SH3TC1: variants seen among roughly 807,000 people sequenced by gnomAD.
SH3TC1 encodes SH3 domain and tetratricopeptide repeat-containing protein 1.
A neutral mutation model predicts 117.3 loss-of-function variants in SH3TC1; 135 were observed. That is an observed-to-expected ratio of 1.15 (90% confidence interval 1.00 to 1.33). SH3TC1 has a LOEUF of 1.33. Among genes scored for constraint, SH3TC1 ranks in the 40% most tolerant of loss-of-function variants. SH3TC1 has a pLI of 0.00. For missense variants in SH3TC1, 2,092 were observed against 1,794.3 expected (o/e 1.17, Z -3.00); for synonymous variants, 898 against 816.9 (o/e 1.10, Z -1.69).
rs761032051 is a variant in SH3TC1 at position 8,205,629 on chromosome 4, G to A, written c.172+263G>A. 4.2e-5 allele frequency: 32 copies of A among 767,430 alleles called. 1 individual carries two copies. Among genetic ancestry groups the A allele is most frequent in the East Asian group, 9.7e-5 (4 of 41,266 alleles). 47.5% of individuals were successfully genotyped at this position (767,430 alleles called of 1,614,324 possible). ...AGTGATAACAAAACTGGCAAAGAACGAGGCAGGGGCCTTTGAACCCCCATG... is the reference window on the plus strand; with the variant it reads ...AGTGATAACAAAACTGGCAAAGAACAAGGCAGGGGCCTTTGAACCCCCATG... On this transcript the variant is annotated intron_variant, in intron 2 of 17. Transcript: ENST00000245105. The surrounding 1 kb of genome is among the most constrained non-coding windows in gnomAD (Gnocchi z 5.4).
intron 14 of SH3TC1, 33 bp from the exon 15 acceptor site, chr4:8,235,400 G>A (rs773031394): frequency 2.1e-6 from 3 of 1,453,798 alleles, no homozygotes; most frequent in Non-Finnish European, 2.7e-6. Flanking sequence ...CTCACCAGGT[G>A]TGGGTCTTGA....
At chr4:8,231,854 G>T in intron 12 of SH3TC1, 122 bp from the exon 13 acceptor site, 2 of 1,200,062 alleles carry the variant, frequency 1.7e-6, no homozygotes, top group Non-Finnish European at 2.3e-6. Context: ...GCGGTTCCCC[G>T]CCTGTGGGGC....
At position 8,227,539 on chromosome 4, in the gene SH3TC1, GAACCGGGAGA is replaced by G. The variant is rs777610645; in HGVS notation, c.1847_1856del (p.Asn616SerfsTer70). 2 of 1,531,364 alleles carry G rather than the reference GAACCGGGAGA, an allele frequency of 1.3e-6. No individual in the cohort carries two copies. 94.9% of individuals were successfully genotyped at this position (1,531,364 alleles called of 1,614,324 possible). The stretch of plus-strand genomic sequence containing the variant: ...TGGCCAGCATTTACCGGAAGCAGAA[GAACCGGGAGA>G]AGTGTGCACAGGTGGTGCCCAAAGC... On this transcript the variant is annotated frameshift_variant, in exon 12 of 18. Transcript: ENST00000245105. LOFTEE classifies it high-confidence loss of function.
At chr4:8,221,931 GTAAGCTACTC>G (rs67301843) in intron 9 of SH3TC1, among the ~76,000 whole-genome samples, 13,977 of 152,164 alleles carry the variant, frequency 0.092, 870 homozygotes, top group South Asian at 0.15. Context: ...AGAATGTGCT[GTAAGCTACTC>G]TAAGTTTTTT....
intron 8 of SH3TC1, among the ~76,000 whole-genome samples, chr4:8,218,614 G>A (rs1429146355): frequency 1.3e-5 from 2 of 152,212 alleles, no homozygotes; most frequent in Non-Finnish European, 2.9e-5. Context: ...GCTCAGTGAA[G>A]CTGCACCAGG....
In SH3TC1 at chr4:8,183,588, T is replaced by C. The variant is rs1717142760; in HGVS notation, c.-57+1378T>C. Among the ~76,000 whole-genome samples the C allele has an allele frequency of 6.6e-6, 1 of 152,236 alleles. No homozygotes were observed. The highest frequency in any genetic ancestry group is 1.5e-5 in the Non-Finnish European group (1 of 68,042). On this transcript the variant is annotated intron_variant, in intron 1 of 16. Transcript: ENST00000508641. This position sits in a 1 kb window ranked among gnomAD's most constrained non-coding sequence, Gnocchi z 5.4. ...CAAACTTGTTCCACCCTACAGGGACTTTTTGTTTGTTTTTCTTTTAATAGA... is the reference window on the plus strand; with the variant it reads ...CAAACTTGTTCCACCCTACAGGGACCTTTTGTTTGTTTTTCTTTTAATAGA...
At chr4:8,207,238 C>T (rs1444848023) in intron 2 of SH3TC1, among the ~76,000 whole-genome samples, 10 of 152,298 alleles carry the variant, frequency 6.6e-5, no homozygotes, top group East Asian at 1.9e-4. Flanking sequence ...TATTTCTTCA[C>T]GATCACATTA....
intron 1 of SH3TC1, among the ~76,000 whole-genome samples, chr4:8,188,952 T>A (rs1717322627): frequency 6.6e-6 from 1 of 152,244 alleles, no homozygotes; most frequent in Admixed American, 6.5e-5. Context: ...CAGGCACACG[T>A]GGCTCGACAC....
chr4:8,229,763 A>T (rs1720967455), intron 12 of SH3TC1, among the ~76,000 whole-genome samples: 1 of 151,464 alleles, frequency 6.6e-6, no homozygotes, highest in African/African-American at 2.4e-5. Context: ...CTGCAAGGAG[A>T]CCCTCCAGAA....
upstream of SH3TC1, among the ~76,000 whole-genome samples, chr4:8,195,419 T>C (rs1717529569): frequency 6.6e-6 from 1 of 152,186 alleles, no homozygotes; most frequent in African/African-American, 2.4e-5. Flanking sequence ...CAGTTGGGCG[T>C]GCTTGGAAAG....
chr4:8,223,272 T>C (rs1191265024), intron 10 of SH3TC1, among the ~76,000 whole-genome samples: 1 of 152,118 alleles, frequency 6.6e-6, no homozygotes, highest in East Asian at 1.9e-4. Context: ...AGGGTATGGG[T>C]CTGGTTCTAA....
In SH3TC1 at chr4:8,240,772, G is replaced by A. The variant is rs1048506; in HGVS notation, c.3828G>A (p.Gln1276=). Residue 1276 remains glutamine (Q), a synonymous_variant, in exon 18 of 18, where the codon CAG becomes CAA. Coordinates refer to ENST00000245105, the MANE Select transcript of SH3TC1 (RefSeq NM_018986.5). ...AAVDLGNKKA[Q]LKIYTRLATI... ...TGGACCTGGGCAACAAGAAGGCACAGCTGAAGATCTACACGCGGCTGGCCA... is the reference window on the plus strand; with the variant it reads ...TGGACCTGGGCAACAAGAAGGCACAACTGAAGATCTACACGCGGCTGGCCA... The A allele has an allele frequency of 0.048, 76,552 of 1,606,958 alleles. 2,035 individuals carry two copies. The highest frequency in any genetic ancestry group is 0.069 in the South Asian group (6,245 of 90,722).
intron 13 of SH3TC1, chr4:8,232,899 T>C: frequency 2.5e-6 from 3 of 1,203,140 alleles, no homozygotes; most frequent in Non-Finnish European, 3.2e-6. Context: ...CCATGTCACC[T>C]AGGAGCTTGT....
chr4:8,191,279 C>T (rs1452291730), intron 1 of SH3TC1, among the ~76,000 whole-genome samples: 3 of 152,214 alleles, frequency 2.0e-5, no homozygotes, highest in Non-Finnish European at 2.9e-5. Context: ...GACGCCTGCC[C>T]CGACAAATCA....
At chr4:8,235,741 G>T (rs1438552475) in intron 15 of SH3TC1, 186 bp downstream of exon 15, 1 of 772,832 alleles carries the variant, frequency 1.3e-6, no homozygotes, top group Non-Finnish European at 1.9e-6. Context: ...AACACTTGGG[G>T]CCTGGACACA....
chr4:8,233,951 AATCCATCCATTCACCTGTTTGTCC>A (rs1002031446), intron 14 of SH3TC1, among the ~76,000 whole-genome samples: 1 of 119,322 alleles, frequency 8.4e-6, no homozygotes, highest in Non-Finnish European at 1.8e-5. Flanking sequence ...ATCACCCATC[AATCCATCCATTCACCTGTTTGTCC>A]ATCCATCCAT....
intron 14 of SH3TC1, among the ~76,000 whole-genome samples, chr4:8,234,582 CCCATCCATCCAT>C (rs369852001): frequency 1.3e-5 from 1 of 76,634 alleles, no homozygotes; most frequent in South Asian, 3.4e-4. Context: ...CATCCATCCA[CCCATCCATCCAT>C]CCATCCATCC....
Position 8,240,695 on chromosome 4 carries a change from C to G in SH3TC1, c.3754-3C>G, listed in dbSNP as rs368973669. The G allele has an allele frequency of 6.2e-6, 10 of 1,613,950 alleles. No individual in the cohort carries two copies. Among genetic ancestry groups the G allele is most frequent in the African/African-American group, 1.3e-5 (1 of 75,074 alleles). On this transcript the variant is annotated splice_polypyrimidine_tract_variant and splice_region_variant and intron_variant, in intron 17 of 17. Transcript: ENST00000245105. ...TTTGCTGAGCATGGCCTGTCCCCTT[C>G]AGGACCCGTTTGATGCAGCCGGGTA...
upstream of SH3TC1, among the ~76,000 whole-genome samples, chr4:8,196,404 G>A (rs766532488): frequency 3.0e-4 from 45 of 152,142 alleles, no homozygotes; most frequent in Non-Finnish European, 5.4e-4. The surrounding 1 kb of genome is among the most constrained non-coding windows in gnomAD (Gnocchi z 4.6). Context: ...GACCTGGAGG[G>A]GTGGGGTGGG....
Sources: gnomAD v4.1 joint callset for allele counts (sites outside exome capture counted in the v4.1 genomes callset) on GRCh38, gnomAD v4.1.1 for gene constraint, Gnocchi (gnomAD v3.1) non-coding constraint, MANE v1.5 for transcripts, NCBI Gene and HGNC (gene_info 2026-07-23, HGNC 2026-07-21) for gene names.